Variants in SPATA3 observed in about 807,000 individuals in gnomAD.
SPATA3 encodes the protein spermatogenesis-associated protein 3.
A neutral mutation model predicts 5.7 loss-of-function variants in SPATA3; 6 were observed. The observed-to-expected ratio is 1.06, with a 90% confidence interval of 0.58 to 2.09. SPATA3 has a LOEUF of 2.09. SPATA3 is among the 30% of genes most tolerant of loss of function. The pLI is 0.00. For missense variants in SPATA3, 155 were observed against 130.4 expected (o/e 1.19, Z -0.92); for synonymous variants, 44 against 48.4 (o/e 0.91, Z 0.37).
rs879687489 is a variant in SPATA3, at chr2:230,996,617, T to C, written c.791-3749T>C. 76 of 1,468,186 alleles carry C rather than the reference T, an allele frequency of 5.2e-5. 1 individual carries two copies. The Admixed American group carries it at 1.6e-3, about 30-fold the overall frequency. The allele number at this position is 1,468,186 out of a possible 1,614,324, so 90.9% of individuals were successfully genotyped here. A position where few individuals can be genotyped will look rare whatever the true frequency, so the allele number is the denominator to read the frequency against. On this transcript the variant is annotated intron_variant, in intron 1 of 2. Transcript: ENST00000645363. ...ATCCCAAAGGCTGGTTCTTGTAGGA[T>C]AGTGATGCATGGTTAACGTGTATCC...
At chr2:231,012,931 CA>C (rs1459180991) in intron 5 of SPATA3, among the ~76,000 whole-genome samples, 3 of 152,240 alleles carry the variant, frequency 2.0e-5, no homozygotes, top group Non-Finnish European at 4.4e-5. Flanking sequence ...GGCAAAACCA[CA>C]ACCCTGGGGC....
intron 6 of SPATA3, among the ~76,000 whole-genome samples, chr2:231,014,388 T>C (rs1470861385): frequency 6.6e-6 from 1 of 152,244 alleles, no homozygotes; most frequent in Middle Eastern, 3.2e-3. Context: ...CTCCTCTTGC[T>C]TTCTGAGGAC....
chr2:230,996,270 C>T lies in SPATA3; in HGVS notation c.791-4096C>T, dbSNP rs200392226. ...CAAGAAGAAAAGGTCAGAGGCCAGA[C>T]GCCACCGAGACTCCACCTCCCAGCA... On this transcript the variant is annotated intron_variant, in intron 1 of 2. Transcript: ENST00000645363. 6.3e-5 allele frequency: 97 copies of T among 1,529,402 alleles called. No individual in the cohort carries two copies. In the East Asian group the frequency reaches 6.7e-4, roughly 11 times the overall value. The allele number at this position is 1,529,402 out of a possible 1,614,324, so 94.7% of individuals were successfully genotyped here. A position where few individuals can be genotyped will look rare whatever the true frequency, so the allele number is the denominator to read the frequency against.
At chr2:231,001,104 C>A (rs1692337278) in intron 2 of SPATA3, among the ~76,000 whole-genome samples, 1 of 152,212 alleles carries the variant, frequency 6.6e-6, no homozygotes, top group Non-Finnish European at 1.5e-5. Flanking sequence ...ACATCTGCCC[C>A]CAGGCTGGTC....
At chr2:231,000,473 C>T (rs760543873) in exon 2 of SPATA3, 2 of 1,550,190 alleles carry the variant, frequency 1.3e-6, no homozygotes, top group South Asian at 2.4e-5. Context: ...CTTCGATGTC[C>T]TTCTGCCTCG....
chr2:231,000,306 C>G, intron 1 of SPATA3, 60 bp from the exon 2 acceptor site: 10 of 1,381,670 alleles, frequency 7.2e-6, no homozygotes, highest in Non-Finnish European at 9.5e-6. Context: ...GTTCCAGACT[C>G]CCCCGCCCCA....
chr2:231,006,067 C>T (rs1326780162), downstream of SPATA3, among the ~76,000 whole-genome samples: 3 of 151,412 alleles, frequency 2.0e-5, no homozygotes, highest in Non-Finnish European at 4.4e-5. Flanking sequence ...TGGTCGTACA[C>T]ACCTGTAATC....
intron 6 of SPATA3, among the ~76,000 whole-genome samples, chr2:231,015,595 G>A (rs185068669): frequency 5.9e-5 from 9 of 152,312 alleles, no homozygotes; most frequent in African/African-American, 1.2e-4. Flanking sequence ...GAATCAGGCC[G>A]CATGCTTAAC....
At chr2:231,003,320 A>T (rs1692424191), downstream of SPATA3, among the ~76,000 whole-genome samples, 1 of 152,078 alleles carries the variant, frequency 6.6e-6, no homozygotes, top group Non-Finnish European at 1.5e-5. Flanking sequence ...CCTGTCTCCC[A>T]TCTGTCCTGC....
At chr2:231,003,525 A>G (rs1176439312), downstream of SPATA3, among the ~76,000 whole-genome samples, 4 of 152,170 alleles carry the variant, frequency 2.6e-5, no homozygotes, top group Admixed American at 2.6e-4. Flanking sequence ...ACCCTGTGGG[A>G]GCCCTGGAAC....
At chr2:231,005,501 ATC>A, downstream of SPATA3, among the ~76,000 whole-genome samples, 1 of 144,796 alleles carries the variant, frequency 6.9e-6, no homozygotes, top group Non-Finnish European at 1.5e-5. Context: ...CACCACCATC[ATC>A]ACCACCACCA....
intron 6 of SPATA3, among the ~76,000 whole-genome samples, chr2:231,019,047 A>T (rs1398493623): frequency 6.7e-6 from 1 of 148,778 alleles, no homozygotes; most frequent in Non-Finnish European, 1.5e-5. Flanking sequence ...GCTCACTGCA[A>T]GCTCCGCCTC....
intron 4 of SPATA3, among the ~76,000 whole-genome samples, chr2:231,012,306 A>G (rs1454198483): frequency 6.6e-6 from 1 of 152,156 alleles, no homozygotes; most frequent in Non-Finnish European, 1.5e-5. Flanking sequence ...ATGAATGGAG[A>G]AGCCCACTTG....
intron 6 of SPATA3, among the ~76,000 whole-genome samples, chr2:231,018,413 C>T (rs1353039298): frequency 6.6e-6 from 1 of 151,908 alleles, no homozygotes; most frequent in Non-Finnish European, 1.5e-5. Context: ...CCTATTGCCA[C>T]CTCCCCCGAG....
At chr2:230,998,800 C>T (rs769511872) in intron 1 of SPATA3, among the ~76,000 whole-genome samples, 1 of 152,246 alleles carries the variant, frequency 6.6e-6, no homozygotes, top group East Asian at 1.9e-4. Context: ...GGTGCAGCTG[C>T]TGTGGAAACA....
At chr2:231,017,470 T>A (rs190781610) in intron 6 of SPATA3, among the ~76,000 whole-genome samples, 1 of 152,286 alleles carries the variant, frequency 6.6e-6, no homozygotes, top group Admixed American at 6.5e-5. Flanking sequence ...TTCACTCTAA[T>A]TGGACCAACT....
chr2:231,011,137 A>G (rs1692777712), downstream of SPATA3, among the ~76,000 whole-genome samples: 1 of 150,084 alleles, frequency 6.7e-6, no homozygotes, highest in Non-Finnish European at 1.5e-5. Context: ...TGTTATTATT[A>G]TTTATTTATT....
chr2:231,005,502 TCACCAC>T (rs1692579140), downstream of SPATA3, among the ~76,000 whole-genome samples: 1 of 33,858 alleles, frequency 3.0e-5, no homozygotes, highest in Non-Finnish European at 6.6e-5. Context: ...ACCACCATCA[TCACCAC>T]CACCACCATC....
chr2:231,003,652 G>C (rs762937432), downstream of SPATA3, among the ~76,000 whole-genome samples: 2 of 152,196 alleles, frequency 1.3e-5, no homozygotes, highest in Admixed American at 6.5e-5. Context: ...TTTGTGGAAA[G>C]AGCAGCTCCC....
Sources: allele counts gnomAD v4.1 joint callset (sites outside exome capture counted in the v4.1 genomes callset), GRCh38; gene constraint gnomAD v4.1.1; transcripts MANE v1.5; gene names NCBI Gene and HGNC (gene_info 2026-07-23, HGNC 2026-07-21).